Variants in PLA2R1 observed in about 807,000 individuals in gnomAD.
The protein encoded by PLA2R1 is phospholipase A2 receptor 1, also known as secretory phospholipase A2 receptor.
Under a neutral mutation model 195.9 loss-of-function variants are expected in PLA2R1, and 158 were observed. The ratio of observed to expected loss-of-function variants is 0.81; its 90% CI spans 0.71 to 0.92. The LOEUF is 0.92. PLA2R1 is among the 40% of genes least tolerant of loss of function. The pLI is 0.00. For synonymous variants in PLA2R1, 586 were observed against 598.2 expected (o/e 0.98, Z 0.30); for missense variants, 1,626 against 1,764.6 (o/e 0.92, Z 1.41).
intron 26 of PLA2R1, among the ~76,000 whole-genome samples, 176 bp downstream of exon 26, chr2:159,947,243 C>A (rs1161173070): frequency 1.3e-5 from 2 of 152,198 alleles, no homozygotes; most frequent in African/African-American, 4.8e-5. Flanking sequence ...GACATTGTTT[C>A]ATATAGTAGC....
chr2:159,955,394 T>C (rs748465401), intron 22 of PLA2R1, 48 bp from the exon 23 acceptor site: 2 of 1,195,664 alleles, frequency 1.7e-6, no homozygotes, highest in Non-Finnish European at 2.4e-6. Flanking sequence ...TATAGCATTA[T>C]TATAACATTA....
At chr2:160,008,066 C>A (rs1443301063) in intron 10 of PLA2R1, among the ~76,000 whole-genome samples, 1 of 152,218 alleles carries the variant, frequency 6.6e-6, no homozygotes, top group Non-Finnish European at 1.5e-5. Flanking sequence ...CTTTGGGAGA[C>A]TGAGGCAGGC....
rs759621366 is a variant in PLA2R1, at chr2:160,022,879, AC to A, written c.1100-21del. ...CTTTTTCTTTTTAAACCAACAAAAA[AC>A]AATGTCATTTTCCACAATTATTTTA... is the stretch of plus-strand genomic sequence containing the variant. On this transcript the variant is annotated intron_variant, in intron 6 of 29. Transcript: ENST00000283243. The A allele has an allele frequency of 6.3e-5, 95 of 1,514,142 alleles. No homozygotes were observed. In the African/African-American group the frequency reaches 1.2e-3, roughly 19 times the overall value. The allele number at this position is 1,514,142 out of a possible 1,614,324, so 93.8% of individuals were successfully genotyped here. A position where few individuals can be genotyped will look rare whatever the true frequency, so the allele number is the denominator to read the frequency against.
At chr2:159,968,476 C>A (rs1216815254) in intron 19 of PLA2R1, among the ~76,000 whole-genome samples, 1 of 152,206 alleles carries the variant, frequency 6.6e-6, no homozygotes, top group African/African-American at 2.4e-5. Context: ...ACAGTCCTTT[C>A]TGTAGGCTGT....
intron 25 of PLA2R1, among the ~76,000 whole-genome samples, chr2:159,947,986 C>T (rs1194781235): frequency 2.0e-5 from 3 of 152,098 alleles, no homozygotes; most frequent in Non-Finnish European, 4.4e-5. Context: ...AGTCCTTACC[C>T]ACTAATAAAC....
Position 160,016,712 on chromosome 2 carries a change from C to T in PLA2R1, c.1453G>A (p.Glu485Lys). The change falls in exon 9 of 30, where the codon GAG becomes AAG. Residue 485 changes from glutamate to lysine, a missense_variant and splice_region_variant. Transcript: ENST00000283243. ...SQLCVSAEQS[E>K]GHWKVKNCEE... is the part of the protein sequence containing the mutation. ...CAATTTTTGACTTTCCAGTGTCCCT[C>T]CTACGGAGAAAAATGTTACAAGAGA... 2 of 1,503,354 alleles carry T rather than the reference C, an allele frequency of 1.3e-6. 1 individual carries two copies. The highest frequency in any genetic ancestry group is 1.9e-6 in the Non-Finnish European group (2 of 1,079,612). 93.1% of individuals were successfully genotyped at this position (1,503,354 alleles called of 1,614,324 possible).
At chr2:159,946,543 C>T (rs1184922250) in intron 27 of PLA2R1, 3 of 1,131,838 alleles carry the variant, frequency 2.7e-6, no homozygotes, top group Non-Finnish European at 1.1e-6. Context: ...AAGTTCCAGC[C>T]AAGCATCTTC....
At chr2:159,965,564 T>C (rs1407540266) in intron 20 of PLA2R1, among the ~76,000 whole-genome samples, 1 of 152,246 alleles carries the variant, frequency 6.6e-6, no homozygotes, top group East Asian at 1.9e-4. Flanking sequence ...CTTGATTGCT[T>C]CCAAGTTTTG....
chr2:159,952,046 C>T (rs1489066734), intron 23 of PLA2R1, among the ~76,000 whole-genome samples: 2 of 152,202 alleles, frequency 1.3e-5, no homozygotes, highest in African/African-American at 2.4e-5. Flanking sequence ...TACTCGATTA[C>T]ACTTTTGAGA....
At chr2:159,967,328 G>A (rs1262396407) in intron 20 of PLA2R1, among the ~76,000 whole-genome samples, 1 of 152,076 alleles carries the variant, frequency 6.6e-6, no homozygotes, top group Admixed American at 6.6e-5. Context: ...GAAACGAGGG[G>A]CAGTGTCCAG....
At chr2:160,009,133 G>C (rs919990113) in intron 10 of PLA2R1, among the ~76,000 whole-genome samples, 1 of 152,214 alleles carries the variant, frequency 6.6e-6, no homozygotes, top group African/African-American at 2.4e-5. Context: ...TAGCCATTAT[G>C]GAAAAGAGTA....
chr2:159,933,840 T>C lies in PLA2R1; in HGVS notation c.*7938A>G, dbSNP rs1285016807. 7 of 152,244 alleles carry C rather than the reference T, an allele frequency of 4.6e-5. No homozygotes were observed. Among genetic ancestry groups the C allele is most frequent in the Admixed American group, 2.6e-4 (4 of 15,292 alleles). 9.4% of individuals were successfully genotyped at this position (152,244 alleles called of 1,614,324 possible). A position where few individuals can be genotyped will look rare whatever the true frequency, so the allele number is the denominator to read the frequency against. ...CTAAATCAGGGGTTGGCAAACTTCCTGTAAGGGTCCAGAAAGTAAATATTT... is the reference window on the plus strand; with the variant it reads ...CTAAATCAGGGGTTGGCAAACTTCCCGTAAGGGTCCAGAAAGTAAATATTT... On this transcript the variant is annotated 3_prime_UTR_variant, in exon 30 of 30. Coordinates refer to ENST00000283243, the MANE Select transcript of PLA2R1 (RefSeq NM_007366.5).
At chr2:159,964,076 A>G (rs942572499) in intron 20 of PLA2R1, among the ~76,000 whole-genome samples, 2 of 152,208 alleles carry the variant, frequency 1.3e-5, no homozygotes, top group African/African-American at 4.8e-5. Flanking sequence ...ACAAGAAGGA[A>G]GGCAATTTTG....
intron 27 of PLA2R1, chr2:159,945,887 C>G (rs1465432409): frequency 1.1e-6 from 1 of 892,422 alleles, no homozygotes; most frequent in Non-Finnish European, 1.3e-6. Context: ...CTTAATGTGA[C>G]AGTTTGAATT....
intron 3 of PLA2R1, among the ~76,000 whole-genome samples, chr2:160,040,038 A>T (rs1350700232): frequency 1.3e-5 from 2 of 151,936 alleles, no homozygotes; most frequent in Non-Finnish European, 2.9e-5. Context: ...TTTAATAATG[A>T]CCTCTATTGG....
chr2:160,060,494 G>A (rs570158640), intron 1 of PLA2R1, among the ~76,000 whole-genome samples: 29 of 152,242 alleles, frequency 1.9e-4, no homozygotes, highest in African/African-American at 6.8e-4. Context: ...GCCTGTGCCT[G>A]TGCGAGGAAT....
At chr2:160,047,781 T>C (rs1183989661) in intron 1 of PLA2R1, among the ~76,000 whole-genome samples, 2 of 148,682 alleles carry the variant, frequency 1.3e-5, no homozygotes, top group African/African-American at 5.0e-5. Context: ...TGTGAATAAA[T>C]AGACATGAAA....
At chr2:159,925,285 C>G in the PLA2R1 span, among the ~76,000 whole-genome samples, 1 of 152,148 alleles carries the variant, frequency 6.6e-6, no homozygotes, top group Non-Finnish European at 1.5e-5. Flanking sequence ...GTCTGCATTA[C>G]TTCTCCATTG....
rs182003564 is a variant in PLA2R1 at position 160,001,265 on chromosome 2, A to G, written c.1834+4387T>C. 1.2e-3 allele frequency among the ~76,000 whole-genome samples: 190 copies of G among 152,240 alleles called. 5 individuals carry two copies. The highest frequency in any genetic ancestry group is 6.2e-4 in the South Asian group (3 of 4,830). On this transcript the variant is annotated intron_variant, in intron 11 of 29. Coordinates refer to ENST00000283243, the MANE Select transcript of PLA2R1 (RefSeq NM_007366.5). ...ATATTGTTGATTTTGTTAAGAATGC[A>G]TGTTGAATAGCTAGTGTAACAAATA...
Sources: gnomAD v4.1 joint callset for allele counts (sites outside exome capture counted in the v4.1 genomes callset) on GRCh38, gnomAD v4.1.1 for gene constraint, MANE v1.5 for transcripts, NCBI Gene and HGNC (gene_info 2026-07-23, HGNC 2026-07-21) for gene names.